Variants in RBM28 observed in about 807,000 individuals in gnomAD.
The protein encoded by RBM28 is RNA-binding protein 28.
A neutral mutation model predicts 98.3 loss-of-function variants in RBM28; 78 were observed. The ratio of observed to expected loss-of-function variants is 0.79; its 90% confidence interval spans 0.66 to 0.96. The LOEUF (loss-of-function observed/expected upper bound fraction) is 0.96. RBM28 is among the 40% of genes least tolerant of loss of function. The pLI is 0.00. For synonymous variants in RBM28, 306 were observed against 330.9 expected (o/e 0.92, Z 0.82); for missense variants, 838 against 913.0 (o/e 0.92, Z 1.06).
In RBM28 at chr7:128,307,338, T is replaced by C. The variant is rs1795886432; in HGVS notation, c.*3459A>G. 6.6e-6 allele frequency: 1 copy of C among 152,168 alleles called. No individual in the cohort carries two copies. The highest frequency in any genetic ancestry group is 1.5e-5 in the Non-Finnish European group (1 of 68,050). The allele number at this position is 152,168 out of a possible 1,614,324, so 9.4% of individuals were successfully genotyped here. On this transcript the variant is annotated 3_prime_UTR_variant, in exon 19 of 19. Coordinates refer to ENST00000223073, the MANE Select transcript of RBM28 (RefSeq NM_018077.3). The stretch of plus-strand genomic sequence containing the variant: ...GCTTAAGACTGCAGATTCTGGGGAA[T>C]CAGCACTCACTGTGACACATGTGAT...
Position 128,337,204 on chromosome 7 carries a change from T to C in RBM28, c.542-2A>G. On this transcript the variant is annotated splice_acceptor_variant, in intron 5 of 18. Coordinates refer to ENST00000223073, the MANE Select transcript of RBM28 (RefSeq NM_018077.3). LOFTEE classifies it high-confidence loss of function. ...CCCAATCCACAGCCACTGTCCGGCC[T>C]GTCAAGCAGAAAAGTGGCATCAGAA... The C allele has an allele frequency of 1.9e-6, 3 of 1,614,118 alleles. No homozygotes were observed. The highest frequency in any genetic ancestry group is 2.2e-5 in the East Asian group (1 of 44,884).
At chr7:128,339,812 G>C (rs771981689) in intron 1 of RBM28, 21 bp from the exon 2 acceptor site, 6 of 1,611,286 alleles carry the variant, frequency 3.7e-6, no homozygotes, top group Non-Finnish European at 4.2e-6. Flanking sequence ...GGAGTGGGGA[G>C]GGAGTGGAGG....
intron 13 of RBM28, 37 bp downstream of exon 13, chr7:128,323,490 C>T (rs779214770): frequency 6.2e-7 from 1 of 1,610,306 alleles, no homozygotes; most frequent in South Asian, 1.1e-5. Flanking sequence ...ATTTATAGGC[C>T]ACGCAGAACG....
In RBM28 at chr7:128,325,097, C is replaced by T. The variant is rs1235012569; in HGVS notation, c.1204-403G>A. On this transcript the variant is annotated intron_variant, in intron 11 of 18. Transcript: ENST00000223073. Reference sequence around the variant, plus strand: ...GAAACTAAGCACCTGACAAGAACACCACAGAAAGGGATACAGCAAACATCA... The same window carrying T: ...GAAACTAAGCACCTGACAAGAACACTACAGAAAGGGATACAGCAAACATCA... 3.3e-5 allele frequency among the ~76,000 whole-genome samples: 5 copies of T among 152,156 alleles called. No individual in the cohort carries two copies. The East Asian group carries it at 9.7e-4, about 29-fold the overall frequency.
chr7:128,319,652 G>T (rs574706783), intron 14 of RBM28, among the ~76,000 whole-genome samples: 1 of 152,320 alleles, frequency 6.6e-6, no homozygotes, highest in African/African-American at 2.4e-5. Context: ...ACTAAGAGAT[G>T]ACTATGTACC....
rs1411644271 is a variant in RBM28, at chr7:128,308,585, T to C, written c.*2212A>G. On this transcript the variant is annotated 3_prime_UTR_variant, in exon 19 of 19. Coordinates refer to ENST00000223073, the MANE Select transcript of RBM28 (RefSeq NM_018077.3). ...GAACTTGGAGATAAATCACCTGTCC[T>C]TTCGATCTCTCCAAAAGGTCTAAAT... is the stretch of plus-strand genomic sequence containing the variant. 6.6e-6 allele frequency: 1 copy of C among 152,246 alleles called. No homozygotes were observed. Among genetic ancestry groups the C allele is most frequent in the Admixed American group, 6.5e-5 (1 of 15,280 alleles). The allele number at this position is 152,246 out of a possible 1,614,324, so 9.4% of individuals were successfully genotyped here.
chr7:128,341,896 C>T (rs359654), intron 1 of RBM28, among the ~76,000 whole-genome samples: 2,037 of 152,286 alleles, frequency 0.013, 49 homozygotes, highest in African/African-American at 0.046. Flanking sequence ...CTAGGCCAGG[C>T]GTGGTGGCAC....
In RBM28 at chr7:128,310,615, G is replaced by A. The variant is rs1201260064; in HGVS notation, c.*182C>T. 2.7e-5 allele frequency: 19 copies of A among 691,268 alleles called. No homozygotes were observed. The highest frequency in any genetic ancestry group is 5.0e-5 in the East Asian group (2 of 39,620). 42.8% of individuals were successfully genotyped at this position (691,268 alleles called of 1,614,324 possible). A position where few individuals can be genotyped will look rare whatever the true frequency, so the allele number is the denominator to read the frequency against. On this transcript the variant is annotated 3_prime_UTR_variant, in exon 19 of 19. Coordinates refer to ENST00000223073, the MANE Select transcript of RBM28 (RefSeq NM_018077.3). Reference sequence around the variant, plus strand: ...TCAGATATTTCTCTTTGTGGCTAACGAACCACACATCAAAGGATGGACCAA... The same window carrying A: ...TCAGATATTTCTCTTTGTGGCTAACAAACCACACATCAAAGGATGGACCAA...
At position 128,325,925 on chromosome 7, in the gene RBM28, A is replaced by C. The variant is rs753382139; in HGVS notation, c.1130-34T>G. Reference sequence around the variant, plus strand: ...GGAGACACAATTCAGTGAGATCCCAAACTCCCACAGATAAACCAAAGACAA... The same window carrying C: ...GGAGACACAATTCAGTGAGATCCCACACTCCCACAGATAAACCAAAGACAA... On this transcript the variant is annotated intron_variant, in intron 10 of 18. Transcript: ENST00000223073. 2.0e-5 allele frequency: 31 copies of C among 1,535,578 alleles called. No homozygotes were observed. In the African/African-American group the frequency reaches 4.0e-4, roughly 20 times the overall value.
Position 128,306,486 on chromosome 7 carries a change from A to G in RBM28, c.*4311T>C, listed in dbSNP as rs1467374600. The G allele has an allele frequency of 6.6e-6, 1 of 152,182 alleles. No individual in the cohort carries two copies. Among genetic ancestry groups the G allele is most frequent in the Non-Finnish European group, 1.5e-5 (1 of 68,026 alleles). 9.4% of individuals were successfully genotyped at this position (152,182 alleles called of 1,614,324 possible). A position where few individuals can be genotyped will look rare whatever the true frequency, so the allele number is the denominator to read the frequency against. ...ATGAAACTCCTACTACGAGTAAATC[A>G]ATGTTAGGTGTTGTGGGGTATGTGG... On this transcript the variant is annotated 3_prime_UTR_variant, in exon 19 of 19. Coordinates refer to ENST00000223073, the MANE Select transcript of RBM28 (RefSeq NM_018077.3).
In RBM28 at chr7:128,343,823, C is replaced by T. The variant is rs901259306; in HGVS notation, c.-30G>A. 1.3e-6 allele frequency: 2 copies of T among 1,516,886 alleles called. No homozygotes were observed. Among genetic ancestry groups the T allele is most frequent in the East Asian group, 2.5e-5 (1 of 40,344 alleles). 94.0% of individuals were successfully genotyped at this position (1,516,886 alleles called of 1,614,324 possible). The stretch of plus-strand genomic sequence containing the variant: ...CCGGGAAACCCAAAGCGCGTGAGGA[C>T]GCGAGCAAACTAGGCCGGCGCACGC... On this transcript the variant is annotated 5_prime_UTR_variant, in exon 1 of 19. Transcript: ENST00000223073.
In RBM28 at chr7:128,339,740, T is replaced by A; in HGVS notation, c.170A>T (p.Asp57Val). 1.2e-6 allele frequency: 2 copies of A among 1,614,004 alleles called. No homozygotes were observed. The change falls in exon 2 of 19, where the codon GAT (aspartate) becomes GTT (valine). Residue 57 changes from aspartate (D) to valine (V), a missense_variant. By Grantham distance (152) the Asp-to-Val change is radical. Coordinates refer to ENST00000223073, the MANE Select transcript of RBM28 (RefSeq NM_018077.3). ...AATCTCCTTGAGGGCCCTCTGAACA[T>A]CTTCCAGCATTGAAAAAGTGACATA... ...FGYVTFSMLE[D>V]VQRALKEITT... is the part of the protein sequence containing the mutation.
chr7:128,333,990 A>G (rs886479696), intron 8 of RBM28, among the ~76,000 whole-genome samples: 3 of 152,356 alleles, frequency 2.0e-5, no homozygotes, highest in Non-Finnish European at 2.9e-5. Context: ...TACACATACA[A>G]TCACACACAA....
At chr7:128,336,923 A>G (rs971073899) in intron 6 of RBM28, among the ~76,000 whole-genome samples, 3 of 151,942 alleles carry the variant, frequency 2.0e-5, no homozygotes, top group Admixed American at 2.0e-4. Flanking sequence ...TAATTTTTGT[A>G]TTTTTAGTAG....
chr7:128,330,819 C>A lies in RBM28; in HGVS notation c.1129G>T (p.Gly377Cys). ...VLHPDTEHSK[G>C]CAFAQFMTQE... ...GGCCTGGCCAGCTGACAACACATAC[C>A]TTTAGAATGCTCTGTGTCTGGATGC... Residue 377 changes from glycine to cysteine, a missense_variant and splice_region_variant, in exon 10 of 19, where the codon GGT (glycine) becomes TGT (cysteine). Transcript: ENST00000223073. 1.9e-6 allele frequency: 3 copies of A among 1,612,118 alleles called. No individual in the cohort carries two copies. The highest frequency in any genetic ancestry group is 2.2e-5 in the East Asian group (1 of 44,868).
chr7:128,313,963 CT>C (rs1051112383), intron 17 of RBM28, among the ~76,000 whole-genome samples: 1 of 151,544 alleles, frequency 6.6e-6, no homozygotes, highest in African/African-American at 2.4e-5. Flanking sequence ...AGCCTCTTTT[CT>C]TTTCTTTTTT....
In RBM28 at chr7:128,302,705, A is replaced by G. The variant is rs1206212473; in HGVS notation, c.*8092T>C. On this transcript the variant is annotated 3_prime_UTR_variant, in exon 19 of 19. Coordinates refer to ENST00000223073, the MANE Select transcript of RBM28 (RefSeq NM_018077.3). ...AGAAAGAAAAAACAACTACAAAAAT[A>G]TGTAATGATTAGTTAGTCCAGGGGT... The G allele has an allele frequency of 6.6e-6, 1 of 152,364 alleles. No homozygotes were observed. Among genetic ancestry groups the G allele is most frequent in the Admixed American group, 6.5e-5 (1 of 15,308 alleles). 9.4% of individuals were successfully genotyped at this position (152,364 alleles called of 1,614,324 possible). A position where few individuals can be genotyped will look rare whatever the true frequency, so the allele number is the denominator to read the frequency against.
chr7:128,320,985 G>A (rs1388641856), intron 14 of RBM28, among the ~76,000 whole-genome samples: 3 of 152,206 alleles, frequency 2.0e-5, no homozygotes, highest in African/African-American at 7.2e-5. Flanking sequence ...GGCTAACATG[G>A]TGCAATCCCT....
chr7:128,328,316 G>C (rs903880756), intron 10 of RBM28, among the ~76,000 whole-genome samples: 2 of 152,128 alleles, frequency 1.3e-5, no homozygotes, highest in Non-Finnish European at 2.9e-5. Context: ...TCTCTGAATG[G>C]GTAAGAATTT....
Sources: allele counts gnomAD v4.1 joint callset (sites outside exome capture counted in the v4.1 genomes callset), GRCh38; gene constraint gnomAD v4.1.1; transcripts MANE v1.5; gene names NCBI Gene and HGNC (gene_info 2026-07-23, HGNC 2026-07-21).